CDON: variants seen among roughly 807,000 people sequenced by gnomAD.
The protein encoded by CDON is cell adhesion associated, oncogene regulated, also known as cell adhesion molecule-related/down-regulated by oncogenes.
A neutral mutation model predicts 120.9 loss-of-function variants in CDON; 73 were observed. The ratio of observed to expected loss-of-function variants is 0.60; its 90% confidence interval spans 0.50 to 0.73. CDON has a LOEUF of 0.73. CDON is among the 30% of genes least tolerant of loss of function. CDON has a pLI of 0.00. For missense variants in CDON, 1,470 were observed against 1,587.3 expected (o/e 0.93, Z 1.26); for synonymous variants, 566 against 573.5 (o/e 0.99, Z 0.19).
At chr11:126,031,413 A>G (rs1019175534) in intron 1 of CDON, among the ~76,000 whole-genome samples, 3 of 152,244 alleles carry the variant, frequency 2.0e-5, no homozygotes, top group Non-Finnish European at 4.4e-5. Flanking sequence ...CAGAAACTAA[A>G]GAAAACACTC....
At chr11:126,003,691 G>A (rs957654192) in intron 10 of CDON, among the ~76,000 whole-genome samples, 4 of 152,078 alleles carry the variant, frequency 2.6e-5, no homozygotes, top group Admixed American at 6.5e-5. Flanking sequence ...ATGGTGGCAC[G>A]CACCTGTAGT....
chr11:126,001,571 T>C (rs149880758), intron 11 of CDON, 148 bp downstream of exon 11: 187 of 658,174 alleles, frequency 2.8e-4, no homozygotes, highest in East Asian at 2.5e-3. Flanking sequence ...AGTTTAAATA[T>C]AGGACATTAA....
chr11:126,029,791 T>C (rs768040475), intron 1 of CDON, among the ~76,000 whole-genome samples: 3 of 152,178 alleles, frequency 2.0e-5, no homozygotes, highest in African/African-American at 7.2e-5. Flanking sequence ...ACATTCTGAG[T>C]GGGTGATTTG....
intron 11 of CDON, among the ~76,000 whole-genome samples, chr11:125,999,037 G>A (rs1946866971): frequency 6.6e-6 from 1 of 152,152 alleles, no homozygotes; most frequent in Admixed American, 6.5e-5. Context: ...TATTTGTATG[G>A]AGAAAACTGT....
intron 4 of CDON, among the ~76,000 whole-genome samples, chr11:126,018,866 C>T (rs373055276): frequency 3.0e-4 from 45 of 152,196 alleles, no homozygotes; most frequent in South Asian, 6.2e-4. Context: ...CACCGGCCAG[C>T]CTGCGTTACA....
chr11:125,961,734 C>G lies in CDON; in HGVS notation c.3621G>C (p.Glu1207Asp). ...VSSDGSEDPA[E>D]FSRGDSCAHS... is the part of the protein sequence containing the mutation. ...TCATGCCTTCCTGACCTCTGCTGAA[C>G]TCTGCTGGATCTTCTGAGCCATCAG... Residue 1207 changes from glutamate (E) to aspartate (D), a missense_variant, in exon 19 of 20, where the codon GAG becomes GAC. Physicochemically the swap from Glu to Asp is conservative, Grantham distance 45. Transcript: ENST00000531738. The G allele has an allele frequency of 3.1e-6, 5 of 1,614,228 alleles. No individual in the cohort carries two copies. The highest frequency in any genetic ancestry group is 4.2e-6 in the Non-Finnish European group (5 of 1,180,040).
At chr11:125,980,016 T>C (rs1299302886) in intron 17 of CDON, among the ~76,000 whole-genome samples, 1 of 152,052 alleles carries the variant, frequency 6.6e-6, no homozygotes, top group East Asian at 1.9e-4. Context: ...AAACTGAAGA[T>C]GGGGGGAAAA....
At chr11:126,052,832 A>T (rs1216628201) in intron 1 of CDON, among the ~76,000 whole-genome samples, 2 of 152,140 alleles carry the variant, frequency 1.3e-5, no homozygotes, top group South Asian at 2.1e-4. Context: ...CAAAAAAAAA[A>T]AAAAAATTAA....
At chr11:126,058,101 T>TGTATTAGG (rs1948719210) in intron 1 of CDON, among the ~76,000 whole-genome samples, 1 of 152,218 alleles carries the variant, frequency 6.6e-6, no homozygotes, top group Non-Finnish European at 1.5e-5. Flanking sequence ...ATTCTCTGTT[T>TGTATTAGG]GTATTAGGGT....
chr11:126,033,307 G>C (rs773921553), intron 1 of CDON, among the ~76,000 whole-genome samples: 57 of 152,016 alleles, frequency 3.7e-4, no homozygotes, highest in Non-Finnish European at 6.8e-4. Context: ...GGAGGTAAGT[G>C]GGGTTCTAAG....
At chr11:126,037,049 T>A (rs1185640331) in intron 1 of CDON, among the ~76,000 whole-genome samples, 1 of 152,144 alleles carries the variant, frequency 6.6e-6, no homozygotes, top group Non-Finnish European at 1.5e-5. Flanking sequence ...ATTATAAGAA[T>A]GCTGGGGGAT....
intron 1 of CDON, among the ~76,000 whole-genome samples, chr11:126,053,415 T>C (rs1223528024): frequency 7.9e-5 from 12 of 152,168 alleles, no homozygotes; most frequent in Non-Finnish European, 1.6e-4. Context: ...TGAGCTGTCG[T>C]TATATCATGG....
Position 126,021,264 on chromosome 11 carries a change from C to A in CDON, c.333G>T (p.Ala111=). The A allele has an allele frequency of 1.2e-6, 2 of 1,613,972 alleles. No homozygotes were observed. The highest frequency in any genetic ancestry group is 2.2e-5 in the South Asian group (2 of 91,028). The change falls in exon 3 of 20, where the codon GCG becomes GCT. Residue 111 remains alanine (A), a synonymous_variant. Transcript: ENST00000531738. The part of the protein sequence containing the change: ...NSIGAIVSGP[A]TVSVAVLGDF... Reference sequence around the variant, plus strand: ...TAAACTCACCTGCCACAGATACTGTCGCAGGGCCACTCACAATGGCACCGA... The same window carrying A: ...TAAACTCACCTGCCACAGATACTGTAGCAGGGCCACTCACAATGGCACCGA...
chr11:126,038,233 T>C (rs1188423191), intron 1 of CDON, among the ~76,000 whole-genome samples: 1 of 152,208 alleles, frequency 6.6e-6, no homozygotes, highest in African/African-American at 2.4e-5. Context: ...AACTTTACTT[T>C]GTGAACGTCA....
intron 10 of CDON, among the ~76,000 whole-genome samples, chr11:126,002,804 GGT>G (rs1425123949): frequency 2.0e-5 from 3 of 152,128 alleles, no homozygotes; most frequent in African/African-American, 7.2e-5. Flanking sequence ...CAAGGTGGAT[GGT>G]GTGCTGTGTG....
At position 126,003,945 on chromosome 11, in the gene CDON, T is replaced by G; in HGVS notation, c.1983A>C (p.Ala661=). The change falls in exon 10 of 20, where the codon GCA becomes GCC. Residue 661 remains alanine, a synonymous_variant. Transcript: ENST00000531738. ...YEVLMVARSA[A]GEGQPAMLTF... is the part of the protein sequence containing the mutation. Reference sequence around the variant, plus strand: ...TAAGCATGGCAGGTTGGCCTTCACCTGCTGCGCTTCTTGCTACCATCAAGA... The same window carrying G: ...TAAGCATGGCAGGTTGGCCTTCACCGGCTGCGCTTCTTGCTACCATCAAGA... The G allele has an allele frequency of 6.2e-7, 1 of 1,614,200 alleles. No homozygotes were observed. Among genetic ancestry groups the G allele is most frequent in the Non-Finnish European group, 8.5e-7 (1 of 1,180,028 alleles).
chr11:126,062,714 T>G lies in CDON; in HGVS notation c.-197A>C, dbSNP rs2134990515. 1 of 151,586 alleles carries G rather than the reference T, an allele frequency of 6.6e-6. No individual in the cohort carries two copies. The highest frequency in any genetic ancestry group is 2.4e-5 in the African/African-American group (1 of 41,214). The allele number at this position is 151,586 out of a possible 1,614,324, so 9.4% of individuals were successfully genotyped here. On this transcript the variant is annotated 5_prime_UTR_variant, in exon 1 of 20. It removes an upstream start codon present in the reference 5' UTR. Transcript: ENST00000531738. ...GCTGCGATCCGAACGGGCCCCTCCA[T>G]GCACCGCGCAGGGCAGAGGAGGGAG...
At position 126,015,295 on chromosome 11, in the gene CDON, C is replaced by T. The variant is rs765870698; in HGVS notation, c.1144G>A (p.Ala382Thr). 3 of 1,613,934 alleles carry T rather than the reference C, an allele frequency of 1.9e-6. No homozygotes were observed. The highest frequency in any genetic ancestry group is 2.2e-5 in the East Asian group (1 of 44,886). The change falls in exon 7 of 20, where the codon GCA becomes ACA. Residue 382 changes from alanine (A) to threonine (T), a missense_variant. Ala to Thr is a moderately conservative substitution (Grantham distance 58, BLOSUM62 0). Coordinates refer to ENST00000531738, the MANE Select transcript of CDON (RefSeq NM_001378964.1). ...TGCATAAATCCAATCCCATTATCTG[C>T]TACACACTGATACATCCCAACATCT... is the stretch of plus-strand genomic sequence containing the variant. ...VEDVGMYQCV[A>T]DNGIGFMHST...
At chr11:125,988,705 CCT>C (rs1395039617) in intron 15 of CDON, among the ~76,000 whole-genome samples, 1 of 152,092 alleles carries the variant, frequency 6.6e-6, no homozygotes, top group Admixed American at 6.5e-5. Flanking sequence ...CTATTGTTCC[CCT>C]GTGGTGTCTT....
Sources: allele counts gnomAD v4.1 joint callset (sites outside exome capture counted in the v4.1 genomes callset), GRCh38; gene constraint gnomAD v4.1.1; transcripts MANE v1.5; gene names NCBI Gene and HGNC (gene_info 2026-07-23, HGNC 2026-07-21).